The following MLF2 variants were observed in gnomAD, a reference collection of about 807,000 sequenced individuals.
MLF2 encodes the protein myelodysplasia-myeloid leukemia factor 2.
In MLF2, 12 loss-of-function variants were observed where a neutral mutation model predicts 31.4. That is an observed-to-expected ratio of 0.38 (90% CI 0.24 to 0.62). MLF2 has a LOEUF of 0.62. Among genes scored for constraint, MLF2 ranks in the 20% least tolerant of loss-of-function variants. The pLI is 0.58. For missense variants in MLF2, 272 were observed against 359.7 expected, an observed-to-expected ratio of 0.76 and a Z score of 1.97; for synonymous variants, 109 against 118.8, an observed-to-expected ratio of 0.92 and a Z score of 0.54.
chr12:6,751,834 G>C (rs1271832288), intron 3 of MLF2, 91 bp downstream of exon 3: 4 of 1,576,796 alleles, frequency 2.5e-6, no homozygotes, highest in Middle Eastern at 3.4e-4. Flanking sequence ...CATTTCACTT[G>C]CTCAGTTGGC....
chr12:6,748,920 G>A lies in MLF2; in HGVS notation c.622C>T (p.Pro208Ser). The A allele has an allele frequency of 1.2e-6, 2 of 1,603,022 alleles. No individual in the cohort carries two copies. Among genetic ancestry groups the A allele is most frequent in the East Asian group, 2.3e-5 (1 of 43,578 alleles). The change falls in exon 8 of 9, where the codon CCC becomes TCC. Residue 208 changes from proline to serine, a missense_variant. Coordinates refer to ENST00000203630, the MANE Select transcript of MLF2 (RefSeq NM_001382226.1). The surrounding 1 kb of genome is among the most constrained non-coding windows in gnomAD (Gnocchi z 4.6). ...GACTCAAGCCGCCGAAACTCCAGGG[G>A]ACGCTGCTGCCGGAATCGGGAGGTC... Reference protein sequence around the residue: ...RETSRFRQQRPLEFRRLESSG... With the variant: ...RETSRFRQQRSLEFRRLESSG...
At position 6,751,997 on chromosome 12, in the gene MLF2, T is replaced by C. The variant is rs188108812; in HGVS notation, c.108A>G (p.Gly36=). The C allele has an allele frequency of 3.2e-5, 51 of 1,614,124 alleles. No individual in the cohort carries two copies. In the Middle Eastern group the frequency reaches 4.9e-4, roughly 16 times the overall value. ...HMSRMLSGGF[G]YSPFLSITDG... ...CTGTGATGCTGAGGAAGGGGCTATATCCAAAGCCACCTGACAACATACGGC... is the reference window on the plus strand; with the variant it reads ...CTGTGATGCTGAGGAAGGGGCTATACCCAAAGCCACCTGACAACATACGGC... Residue 36 remains glycine (G), a synonymous_variant, in exon 3 of 9, where the codon GGA becomes GGG. Coordinates refer to ENST00000203630, the MANE Select transcript of MLF2 (RefSeq NM_001382226.1).
In MLF2 at chr12:6,748,552, A is replaced by AG; in HGVS notation, c.*26-6dup. The AG allele has an allele frequency of 4.9e-6, 2 of 411,228 alleles. No homozygotes were observed. Among genetic ancestry groups the AG allele is most frequent in the Non-Finnish European group, 8.6e-6 (2 of 232,798 alleles). 25.5% of individuals were successfully genotyped at this position (411,228 alleles called of 1,614,324 possible). A position where few individuals can be genotyped will look rare whatever the true frequency, so the allele number is the denominator to read the frequency against. ...TCTCAGCCTCTCAGCCTGTACCTGG[A>AG]GGGGGAAAGAGAGAGGAGCACAAGT... On this transcript the variant is annotated splice_region_variant and splice_polypyrimidine_tract_variant and intron_variant, in intron 8 of 8. Transcript: ENST00000203630. The surrounding 1 kb of genome is among the most constrained non-coding windows in gnomAD (Gnocchi z 4.6).
rs937335870 is a variant in MLF2, at chr12:6,750,585, G to T, written c.270+128C>A. The T allele has an allele frequency of 8.6e-7, 1 of 1,163,750 alleles. No individual in the cohort carries two copies. The highest frequency in any genetic ancestry group is 1.2e-6 in the Non-Finnish European group (1 of 801,148). 72.1% of individuals were successfully genotyped at this position (1,163,750 alleles called of 1,614,324 possible). On this transcript the variant is annotated intron_variant, in intron 5 of 8. Coordinates refer to ENST00000203630, the MANE Select transcript of MLF2 (RefSeq NM_001382226.1). This position sits in a 1 kb window ranked among gnomAD's most constrained non-coding sequence, Gnocchi z 5.3. ...CAGGTACAGGGTCCCAAGGCTCTCT[G>T]GTTCAATTACTTTATCCAGTACTTT...
intron 4 of MLF2, chr12:6,751,163 A>G (rs1212804902): frequency 3.6e-6 from 1 of 278,314 alleles, no homozygotes; most frequent in Non-Finnish European, 6.9e-6. Flanking sequence ...TTGCTAGACA[A>G]TTACATCTTC....
At position 6,748,820 on chromosome 12, in the gene MLF2, C is replaced by G; in HGVS notation, c.722G>C (p.Arg241Pro). Residue 241 changes from arginine to proline, a missense_variant, in exon 8 of 9, where the codon CGA becomes CCA. Coordinates refer to ENST00000203630, the MANE Select transcript of MLF2 (RefSeq NM_001382226.1). This position sits in a 1 kb window ranked among gnomAD's most constrained non-coding sequence, Gnocchi z 4.6. ...TCACCAGTCATAGCGGCGGGACTGT[C>G]GGGAAGGGGAGTCCTCAGGTCCCTG... is the stretch of plus-strand genomic sequence containing the variant. ...AIQGPEDSPS[R>P]QSRRYDW is the part of the protein sequence containing the mutation. 1 of 1,548,928 alleles carries G rather than the reference C, an allele frequency of 6.5e-7. No individual in the cohort carries two copies.
rs913776948 is a variant in MLF2, at chr12:6,749,117, C to T, written c.560-135G>A. 2 of 958,440 alleles carry T rather than the reference C, an allele frequency of 2.1e-6. No homozygotes were observed. The highest frequency in any genetic ancestry group is 1.8e-5 in the African/African-American group (1 of 57,130). The allele number at this position is 958,440 out of a possible 1,614,324, so 59.4% of individuals were successfully genotyped here. ...TGCAGGGATGGGTGGGGTGGCAATT[C>T]CCTTAGCTCTTTTGGTTTCTGCACG... On this transcript the variant is annotated intron_variant, in intron 7 of 8. Transcript: ENST00000203630. The surrounding 1 kb of genome is among the most constrained non-coding windows in gnomAD (Gnocchi z 5.3).
Position 6,748,691 on chromosome 12 carries a change from CG to C in MLF2, c.*25+78del. 8.9e-7 allele frequency: 1 copy of C among 1,121,718 alleles called. No individual in the cohort carries two copies. Among genetic ancestry groups the C allele is most frequent in the Non-Finnish European group, 1.2e-6 (1 of 809,146 alleles). 69.5% of individuals were successfully genotyped at this position (1,121,718 alleles called of 1,614,324 possible). A position where few individuals can be genotyped will look rare whatever the true frequency, so the allele number is the denominator to read the frequency against. On this transcript the variant is annotated intron_variant, in intron 8 of 8. Coordinates refer to ENST00000203630, the MANE Select transcript of MLF2 (RefSeq NM_001382226.1). The surrounding 1 kb of genome is among the most constrained non-coding windows in gnomAD (Gnocchi z 4.6). The stretch of plus-strand genomic sequence containing the variant: ...CTTGTACTACCAAAGGCAGCTCCTG[CG>C]GGAGCCTGAACTGAGCCTGCCTTGC...
At chr12:6,751,877 T>C (rs2302367) in intron 3 of MLF2, 48 bp downstream of exon 3, 793,905 of 1,606,852 alleles carry the variant, frequency 0.49, 202,049 homozygotes, top group African/African-American at 0.82. Flanking sequence ...CTTTCCTAAC[T>C]AACCTCCAAC....
At position 6,750,909 on chromosome 12, in the gene MLF2, G is replaced by A. The variant is rs1290134046; in HGVS notation, c.217-143C>T. 3 of 728,490 alleles carry A rather than the reference G, an allele frequency of 4.1e-6. No individual in the cohort carries two copies. The East Asian group carries it at 8.2e-5, about 20-fold the overall frequency. 45.1% of individuals were successfully genotyped at this position (728,490 alleles called of 1,614,324 possible). On this transcript the variant is annotated intron_variant, in intron 4 of 8. Coordinates refer to ENST00000203630, the MANE Select transcript of MLF2 (RefSeq NM_001382226.1). This position sits in a 1 kb window ranked among gnomAD's most constrained non-coding sequence, Gnocchi z 5.3. ...TCTAGCAAGTTCTCTTTCTCATTCT[G>A]TTAAAATAACCAGAATACTCATATT...
chr12:6,749,797 A>G lies in MLF2; in HGVS notation c.559+51T>C. 1 of 1,606,822 alleles carries G rather than the reference A, an allele frequency of 6.2e-7. No individual in the cohort carries two copies. Among genetic ancestry groups the G allele is most frequent in the Non-Finnish European group, 8.5e-7 (1 of 1,176,048 alleles). On this transcript the variant is annotated intron_variant, in intron 7 of 8. Coordinates refer to ENST00000203630, the MANE Select transcript of MLF2 (RefSeq NM_001382226.1). The surrounding 1 kb of genome is among the most constrained non-coding windows in gnomAD (Gnocchi z 5.3). ...AAGTGTCTATGTGTTAGGGATGTCC[A>G]CGGGAACCGGGTTAGGGGCTGCCAG...
At position 6,752,356 on chromosome 12, in the gene MLF2, C is replaced by A. The variant is rs1179958717; in HGVS notation, c.-22G>T. Reference sequence around the variant, plus strand: ...ACATCCTGATCTCAGCTCCAGGGGGCTCCACACTGGAAAGATATGGAAGCT... The same window carrying A: ...ACATCCTGATCTCAGCTCCAGGGGGATCCACACTGGAAAGATATGGAAGCT... On this transcript the variant is annotated 5_prime_UTR_variant, in exon 2 of 9. Transcript: ENST00000203630. This position sits in a 1 kb window ranked among gnomAD's most constrained non-coding sequence, Gnocchi z 4.6. 2.6e-6 allele frequency: 4 copies of A among 1,554,982 alleles called. No individual in the cohort carries two copies. In the East Asian group the frequency reaches 7.3e-5, roughly 28 times the overall value.
chr12:6,751,756 T>G, intron 3 of MLF2, 80 bp from the exon 4 acceptor site: 1 of 1,578,910 alleles, frequency 6.3e-7, no homozygotes, highest in Non-Finnish European at 8.7e-7. Flanking sequence ...ATGGCCTCAA[T>G]TTTTTTCCAT....
At position 6,750,428 on chromosome 12, in the gene MLF2, C is replaced by T; in HGVS notation, c.271-123G>A. The T allele has an allele frequency of 7.7e-7, 1 of 1,302,890 alleles. No individual in the cohort carries two copies. Among genetic ancestry groups the T allele is most frequent in the Non-Finnish European group, 1.1e-6 (1 of 951,988 alleles). 80.7% of individuals were successfully genotyped at this position (1,302,890 alleles called of 1,614,324 possible). A position where few individuals can be genotyped will look rare whatever the true frequency, so the allele number is the denominator to read the frequency against. On this transcript the variant is annotated intron_variant, in intron 5 of 8. Transcript: ENST00000203630. The surrounding 1 kb of genome is among the most constrained non-coding windows in gnomAD (Gnocchi z 5.3). ...TCACAAAATGCAAGAACTGAAAAAA[C>T]ATCAGGCCTCATCATTACCCTCCCA...
chr12:6,750,667 C>T lies in MLF2; in HGVS notation c.270+46G>A. ...CTTAGAGGATGCAAGGTGTTGTCAG[C>T]CATCACTGAGAGCAAGGCCGGGGAA... On this transcript the variant is annotated intron_variant, in intron 5 of 8. Coordinates refer to ENST00000203630, the MANE Select transcript of MLF2 (RefSeq NM_001382226.1). This position sits in a 1 kb window ranked among gnomAD's most constrained non-coding sequence, Gnocchi z 5.3. The T allele has an allele frequency of 6.3e-7, 1 of 1,584,832 alleles. No individual in the cohort carries two copies. Among genetic ancestry groups the T allele is most frequent in the Non-Finnish European group, 8.7e-7 (1 of 1,153,750 alleles).
In MLF2 at chr12:6,752,174, G is replaced by C; in HGVS notation, c.50+111C>G. On this transcript the variant is annotated intron_variant, in intron 2 of 8. Transcript: ENST00000203630. This position sits in a 1 kb window ranked among gnomAD's most constrained non-coding sequence, Gnocchi z 4.6. ...CCGATGCCTACTTCCTGCTAGGTAG[G>C]AGCTAGGTATCCAGCCAGTTCCAAC... The C allele has an allele frequency of 6.4e-7, 1 of 1,550,902 alleles. No homozygotes were observed. Among genetic ancestry groups the C allele is most frequent in the African/African-American group, 1.4e-5 (1 of 73,446 alleles).
At position 6,750,028 on chromosome 12, in the gene MLF2, G is replaced by A; in HGVS notation, c.400-21C>T. 10 of 1,613,656 alleles carry A rather than the reference G, an allele frequency of 6.2e-6. No homozygotes were observed. The highest frequency in any genetic ancestry group is 8.5e-6 in the Non-Finnish European group (10 of 1,179,758). On this transcript the variant is annotated intron_variant, in intron 6 of 8. Coordinates refer to ENST00000203630, the MANE Select transcript of MLF2 (RefSeq NM_001382226.1). The surrounding 1 kb of genome is among the most constrained non-coding windows in gnomAD (Gnocchi z 5.3). ...CGGATCTGGGATGAGGCAGAACGTG[G>A]CACACTCAGCCGCCCCTTCCAAAGC...
At position 6,752,494 on chromosome 12, in the gene MLF2, T is replaced by C. The variant is rs996136400; in HGVS notation, c.-28-132A>G. The C allele has an allele frequency of 1.4e-4, 97 of 687,998 alleles. No homozygotes were observed. The highest frequency in any genetic ancestry group is 2.2e-5 in the Non-Finnish European group (9 of 410,476). The allele number at this position is 687,998 out of a possible 1,614,324, so 42.6% of individuals were successfully genotyped here. A position where few individuals can be genotyped will look rare whatever the true frequency, so the allele number is the denominator to read the frequency against. On this transcript the variant is annotated intron_variant, in intron 1 of 8. Coordinates refer to ENST00000203630, the MANE Select transcript of MLF2 (RefSeq NM_001382226.1). The surrounding 1 kb of genome is among the most constrained non-coding windows in gnomAD (Gnocchi z 4.6). Reference sequence around the variant, plus strand: ...CCCCTAAACTCCAGGGAGACCCTACTCCAGGTGTTCCACACAACCCTCTAG... The same window carrying C: ...CCCCTAAACTCCAGGGAGACCCTACCCCAGGTGTTCCACACAACCCTCTAG...
In MLF2 at chr12:6,749,995, G is replaced by A. The variant is rs745833590; in HGVS notation, c.412C>T (p.Arg138Trp). The change falls in exon 7 of 9, where the codon CGG becomes TGG. Residue 138 changes from arginine (R) to tryptophan (W), a missense_variant. By Grantham distance (101) the Arg-to-Trp change is moderately radical (BLOSUM62 -3). Coordinates refer to ENST00000203630, the MANE Select transcript of MLF2 (RefSeq NM_001382226.1). The surrounding 1 kb of genome is among the most constrained non-coding windows in gnomAD (Gnocchi z 5.3). ...CTGTCTGAATCCCGAACAGTCCTCC[G>A]TGTCTCCCGGATCTGGGATGAGGCA... ...RSAPGGIRET[R>W]RTVRDSDSGL... 15 of 1,614,034 alleles carry A rather than the reference G, an allele frequency of 9.3e-6. No individual in the cohort carries two copies. The highest frequency in any genetic ancestry group is 6.7e-5 in the Admixed American group (4 of 59,998).
Sources: gnomAD v4.1 joint callset for allele counts on GRCh38, gnomAD v4.1.1 for gene constraint, Gnocchi (gnomAD v3.1) non-coding constraint, MANE v1.5 for transcripts, NCBI Gene and HGNC (gene_info 2026-07-23, HGNC 2026-07-21) for gene names.